Variants in SKAP2 observed in about 807,000 individuals in gnomAD.
SKAP2 encodes the protein src kinase associated phosphoprotein 2.
In SKAP2, 28 loss-of-function variants were observed where a neutral mutation model predicts 54.9. That is an observed-to-expected ratio of 0.51 (90% CI 0.38 to 0.70). The LOEUF is 0.70. Ranked by LOEUF, SKAP2 falls within the 30% of genes least tolerant of loss-of-function variation. SKAP2 has a pLI of 0.00. For missense variants in SKAP2, 356 were observed against 424.1 expected (o/e 0.84, Z 1.41); for synonymous variants, 137 against 134.3 (o/e 1.02, Z -0.14).
chr7:26,703,813 T>A (rs1787100109), intron 9 of SKAP2, among the ~76,000 whole-genome samples: 1 of 152,210 alleles, frequency 6.6e-6, no homozygotes, highest in Non-Finnish European at 1.5e-5. Context: ...ATTTTACAGA[T>A]AATGAAACGA....
At position 26,670,706 on chromosome 7, in the gene SKAP2, A is replaced by G. The variant is rs560903502; in HGVS notation, c.988-514T>C. Among the ~76,000 whole-genome samples, 30 of 152,292 alleles carry G rather than the reference A, an allele frequency of 2.0e-4. No homozygotes were observed. The South Asian group carries it at 6.2e-3, about 32-fold the overall frequency. On this transcript the variant is annotated intron_variant, in intron 11 of 12. Transcript: ENST00000345317. The stretch of plus-strand genomic sequence containing the variant: ...GTGCCCCTTCTTAAGAAAATCTAAT[A>G]TACACACTTTAACAGATAAATTAGA...
intron 4 of SKAP2, among the ~76,000 whole-genome samples, chr7:26,781,002 T>C (rs1783413508): frequency 6.6e-6 from 1 of 152,162 alleles, no homozygotes; most frequent in Admixed American, 6.6e-5. Context: ...CACTATAATA[T>C]ACAAATTCCT....
chr7:26,806,064 C>T (rs1584400756), intron 4 of SKAP2, among the ~76,000 whole-genome samples: 1 of 152,204 alleles, frequency 6.6e-6, no homozygotes, highest in East Asian at 1.9e-4. Context: ...AACCATGAGC[C>T]ACACCCATAT....
At chr7:26,736,745 C>T (rs993452482) in intron 6 of SKAP2, among the ~76,000 whole-genome samples, 1 of 152,034 alleles carries the variant, frequency 6.6e-6, no homozygotes, top group South Asian at 2.1e-4. Flanking sequence ...AAATGGATCA[C>T]AAAGTAGTTA....
chr7:26,861,271 C>A (rs2127999803), intron 1 of SKAP2, among the ~76,000 whole-genome samples: 1 of 152,054 alleles, frequency 6.6e-6, no homozygotes, highest in Non-Finnish European at 1.5e-5. Context: ...ATTCTTGCTG[C>A]TAGTCCTAGT....
intron 4 of SKAP2, among the ~76,000 whole-genome samples, chr7:26,836,197 T>C (rs1017854803): frequency 6.6e-6 from 1 of 152,124 alleles, no homozygotes; most frequent in African/African-American, 2.4e-5. Context: ...TTAACTCAAG[T>C]TGGATTAAAG....
chr7:26,783,914 C>CA (rs1392268753), intron 4 of SKAP2, among the ~76,000 whole-genome samples: 3 of 150,730 alleles, frequency 2.0e-5, no homozygotes, highest in African/African-American at 7.3e-5. Flanking sequence ...GCACATTATG[C>CA]ACATGTACCC....
At chr7:26,824,818 G>A (rs929818646) in intron 4 of SKAP2, among the ~76,000 whole-genome samples, 1 of 152,082 alleles carries the variant, frequency 6.6e-6, no homozygotes, top group African/African-American at 2.4e-5. Flanking sequence ...TTGCTCCATG[G>A]GCTGTAGATT....
rs572110513 is a variant in SKAP2, at chr7:26,747,777, C to T, written c.308-7813G>A. ...TTCTCTTCTTCTCACCTTCCTTTTC[C>T]CCCTCTTCCCTCCCCTCCGCTCCCC... is the stretch of plus-strand genomic sequence containing the variant. On this transcript the variant is annotated intron_variant, in intron 4 of 12. Transcript: ENST00000345317. Among the ~76,000 whole-genome samples, 14 of 151,552 alleles carry T rather than the reference C, an allele frequency of 9.2e-5. No homozygotes were observed. In the South Asian group the frequency reaches 2.9e-3, roughly 32 times the overall value.
chr7:26,761,144 CAG>C (rs760883896), intron 4 of SKAP2, among the ~76,000 whole-genome samples: 2 of 152,022 alleles, frequency 1.3e-5, no homozygotes, highest in African/African-American at 2.4e-5. Context: ...AAAGAAAAAC[CAG>C]AGAGGAAAGC....
intron 9 of SKAP2, among the ~76,000 whole-genome samples, chr7:26,720,165 C>T (rs930920228): frequency 3.3e-5 from 5 of 152,080 alleles, no homozygotes; most frequent in Non-Finnish European, 7.4e-5. Context: ...TCTTCCCTGG[C>T]TGGGAACCAC....
At chr7:26,740,084 C>A in intron 4 of SKAP2, 120 bp from the exon 5 acceptor site, 2 of 555,254 alleles carry the variant, frequency 3.6e-6, no homozygotes, top group Non-Finnish European at 6.2e-6. Flanking sequence ...AAATCTAAGT[C>A]TATTAGCTTT....
At chr7:26,776,884 T>C (rs1410329486) in intron 4 of SKAP2, among the ~76,000 whole-genome samples, 1 of 152,130 alleles carries the variant, frequency 6.6e-6, no homozygotes, top group Non-Finnish European at 1.5e-5. Flanking sequence ...ATCTATCTCT[T>C]GTCTACCTCT....
At chr7:26,663,078 G>A (rs1308104416), downstream of SKAP2, among the ~76,000 whole-genome samples, 1 of 152,086 alleles carries the variant, frequency 6.6e-6, no homozygotes, top group African/African-American at 2.4e-5. Context: ...CTGGAGATCA[G>A]GGTAATGCAG....
At chr7:26,836,890 A>G (rs1353874159) in intron 4 of SKAP2, among the ~76,000 whole-genome samples, 2 of 152,244 alleles carry the variant, frequency 1.3e-5, no homozygotes, top group African/African-American at 4.8e-5. Context: ...ATGAACACGT[A>G]TGTTTATCAC....
chr7:26,846,252 T>A (rs912935221), intron 3 of SKAP2, among the ~76,000 whole-genome samples: 1 of 152,124 alleles, frequency 6.6e-6, no homozygotes, highest in South Asian at 2.1e-4. Context: ...TTTGCTATTA[T>A]AACTATTTAA....
At chr7:26,756,807 G>C (rs1231787372) in intron 4 of SKAP2, among the ~76,000 whole-genome samples, 3 of 152,176 alleles carry the variant, frequency 2.0e-5, no homozygotes, top group Non-Finnish European at 4.4e-5. Context: ...CAGTGTAAAA[G>C]TGTTCCTATT....
chr7:26,764,103 G>A (rs532259172), intron 4 of SKAP2, among the ~76,000 whole-genome samples: 1 of 152,126 alleles, frequency 6.6e-6, no homozygotes, highest in East Asian at 1.9e-4. Flanking sequence ...CTAGACAAAA[G>A]ATAGCAGTTT....
intron 4 of SKAP2, among the ~76,000 whole-genome samples, chr7:26,841,230 A>G (rs1460346273): frequency 6.6e-6 from 1 of 152,062 alleles, no homozygotes; most frequent in African/African-American, 2.4e-5. Context: ...CCAAGGTCCA[A>G]TGCGAAAATC....
Sources: allele counts gnomAD v4.1 joint callset (sites outside exome capture counted in the v4.1 genomes callset), GRCh38; gene constraint gnomAD v4.1.1; transcripts MANE v1.5; gene names NCBI Gene and HGNC (gene_info 2026-07-23, HGNC 2026-07-21).